The following KCNB2 variants were observed in gnomAD, a reference collection of about 807,000 sequenced individuals.
KCNB2 encodes the protein potassium voltage-gated channel subfamily B member 2.
A neutral mutation model predicts 61.5 loss-of-function variants in KCNB2; 15 were observed. That is an observed-to-expected ratio of 0.24 (90% CI 0.16 to 0.38). KCNB2 has a LOEUF of 0.38. Ranked by LOEUF, KCNB2 falls within the 10% of genes least tolerant of loss-of-function variation. KCNB2 has a pLI of 1.00. For missense variants in KCNB2, 828 were observed against 1,125.2 expected (o/e 0.74, Z 3.78); for synonymous variants, 457 against 446.0 (o/e 1.02, Z -0.31).
chr8:72,646,742 A>G (rs1585804692), intron 2 of KCNB2, among the ~76,000 whole-genome samples: 1 of 152,110 alleles, frequency 6.6e-6, no homozygotes, highest in Admixed American at 6.6e-5. Flanking sequence ...GGACATAGGG[A>G]GTTAGTGCTT....
intron 2 of KCNB2, among the ~76,000 whole-genome samples, chr8:72,650,458 A>G (rs1806195883): frequency 6.6e-6 from 1 of 152,136 alleles, no homozygotes; most frequent in Admixed American, 6.6e-5. Context: ...CTTTCAGTAC[A>G]TTTCATCATT....
At chr8:72,778,730 G>A (rs865810135) in intron 2 of KCNB2, among the ~76,000 whole-genome samples, 23 of 6,596 alleles carry the variant, frequency 3.5e-3, no homozygotes, top group African/African-American at 0.016. Context: ...GCCACAGAGC[G>A]AGCAAAAAAA....
chr8:72,550,840 T>G (rs1806334957), intron 1 of KCNB2, among the ~76,000 whole-genome samples: 1 of 152,186 alleles, frequency 6.6e-6, no homozygotes, highest in African/African-American at 2.4e-5. Flanking sequence ...CTAGGGAATG[T>G]CCTGGCCAAA....
chr8:72,728,175 T>C (rs140256731), intron 2 of KCNB2, among the ~76,000 whole-genome samples: 30 of 152,328 alleles, frequency 2.0e-4, no homozygotes, highest in African/African-American at 7.0e-4. Context: ...TCAGTTTGCC[T>C]CTGTTTTCCA....
chr8:72,659,785 T>A (rs1396020307), intron 2 of KCNB2, among the ~76,000 whole-genome samples: 1 of 152,208 alleles, frequency 6.6e-6, no homozygotes, highest in Non-Finnish European at 1.5e-5. Flanking sequence ...TCATTAGCAT[T>A]TTTTCATAAT....
chr8:72,672,915 G>A (rs1363844949), intron 2 of KCNB2, among the ~76,000 whole-genome samples: 1 of 152,184 alleles, frequency 6.6e-6, no homozygotes, highest in Non-Finnish European at 1.5e-5. Context: ...TGAAGGTGTG[G>A]AGAAATTAGA....
chr8:72,808,848 A>T (rs916003026), intron 2 of KCNB2, among the ~76,000 whole-genome samples: 1 of 152,152 alleles, frequency 6.6e-6, no homozygotes, highest in Non-Finnish European at 1.5e-5. Flanking sequence ...CACCCATAGT[A>T]CACATTCATT....
At chr8:72,608,297 GCT>G in intron 2 of KCNB2, among the ~76,000 whole-genome samples, 1 of 152,162 alleles carries the variant, frequency 6.6e-6, no homozygotes, top group Admixed American at 6.5e-5. Flanking sequence ...GCAGGCAGAG[GCT>G]GGGAACCAGG....
At chr8:72,585,539 A>G (rs564661382) in intron 2 of KCNB2, among the ~76,000 whole-genome samples, 1 of 152,160 alleles carries the variant, frequency 6.6e-6, no homozygotes, top group East Asian at 1.9e-4. Flanking sequence ...TGTTTTCTTT[A>G]TTTCTTTTTC....
intron 2 of KCNB2, among the ~76,000 whole-genome samples, chr8:72,596,615 A>G (rs1042947278): frequency 2.0e-5 from 3 of 152,346 alleles, no homozygotes; most frequent in South Asian, 4.1e-4. Context: ...AAGAAATTGC[A>G]TTCTATTTAT....
chr8:72,725,936 A>G (rs974408185), intron 2 of KCNB2, among the ~76,000 whole-genome samples: 2 of 152,120 alleles, frequency 1.3e-5, no homozygotes, highest in Non-Finnish European at 2.9e-5. Flanking sequence ...ATTTATGCCA[A>G]GTACAGAGGA....
chr8:72,860,374 G>A (rs1810279830), intron 2 of KCNB2, among the ~76,000 whole-genome samples: 2 of 152,126 alleles, frequency 1.3e-5, no homozygotes, highest in South Asian at 4.1e-4. Context: ...TGTCATCCTA[G>A]TAGATGTGAA....
intron 2 of KCNB2, among the ~76,000 whole-genome samples, chr8:72,634,387 T>A (rs896553234): frequency 6.6e-6 from 1 of 152,092 alleles, no homozygotes; most frequent in African/African-American, 2.4e-5. Context: ...AATTATCGAG[T>A]CTGAGATGAG....
intron 2 of KCNB2, among the ~76,000 whole-genome samples, chr8:72,632,773 G>A (rs1009903971): frequency 5.9e-5 from 9 of 152,256 alleles, no homozygotes; most frequent in Non-Finnish European, 1.0e-4. Flanking sequence ...TTAACTGCTG[G>A]CATCAAAGGT....
At chr8:72,676,148 T>A (rs575587164) in intron 2 of KCNB2, among the ~76,000 whole-genome samples, 1 of 152,312 alleles carries the variant, frequency 6.6e-6, no homozygotes, top group Non-Finnish European at 1.5e-5. Context: ...ACTTCAAATT[T>A]AGAGGTGCAA....
rs1011614810 is a variant in KCNB2, at chr8:72,675,383, A to G, written c.579+107070A>G. Among the ~76,000 whole-genome samples the G allele has an allele frequency of 2.4e-4, 36 of 152,178 alleles. 1 individual carries two copies. Among genetic ancestry groups the G allele is most frequent in the Non-Finnish European group, 2.9e-5 (2 of 68,032 alleles). The stretch of plus-strand genomic sequence containing the variant: ...CCCAGGGTATGGACTATCTGACAAT[A>G]TAATAGATGTTTTCCATTTCCCTGT... On this transcript the variant is annotated intron_variant, in intron 2 of 2. Coordinates refer to ENST00000523207, the MANE Select transcript of KCNB2 (RefSeq NM_004770.3).
At chr8:72,621,200 T>A (rs1347784280) in intron 2 of KCNB2, among the ~76,000 whole-genome samples, 1 of 152,214 alleles carries the variant, frequency 6.6e-6, no homozygotes, top group Non-Finnish European at 1.5e-5. Context: ...CTGACCTGTA[T>A]ATTTTTATTT....
intron 2 of KCNB2, among the ~76,000 whole-genome samples, chr8:72,744,278 G>C (rs1451438001): frequency 6.6e-6 from 1 of 152,140 alleles, no homozygotes; most frequent in Non-Finnish European, 1.5e-5. Flanking sequence ...AGTTTCCACA[G>C]TTTCTTAAGA....
At chr8:72,734,738 G>A (rs186798802) in intron 2 of KCNB2, among the ~76,000 whole-genome samples, 12 of 152,280 alleles carry the variant, frequency 7.9e-5, no homozygotes, top group Admixed American at 3.9e-4. Context: ...CAGTGAAGAC[G>A]TGCTCTAGGG....
Sources: gnomAD v4.1 joint callset for allele counts (sites outside exome capture counted in the v4.1 genomes callset) on GRCh38, gnomAD v4.1.1 for gene constraint, MANE v1.5 for transcripts, NCBI Gene and HGNC (gene_info 2026-07-23, HGNC 2026-07-21) for gene names.